The following TRIM62 variants were observed in gnomAD, a reference collection of about 807,000 sequenced individuals.
TRIM62 encodes the protein E3 ubiquitin-protein ligase TRIM62.
TRIM62 carries 39 observed loss-of-function variants against 44.2 expected under a neutral mutation model. The observed-to-expected ratio is 0.88, with a 90% confidence interval of 0.68 to 1.15. TRIM62 has a LOEUF of 1.15. TRIM62 is among the 50% of genes most tolerant of loss of function. TRIM62 has a pLI of 0.00. For missense variants in TRIM62, 544 were observed against 665.5 expected (o/e 0.82, Z 2.01); for synonymous variants, 278 against 292.3 (o/e 0.95, Z 0.50).
intron 1 of TRIM62, 49 bp downstream of exon 1, chr1:33,180,976 C>G: frequency 9.1e-7 from 1 of 1,101,880 alleles, no homozygotes. Context: ...CGCCCGGCCC[C>G]ACCTCCAGCC....
At chr1:33,158,460 T>A in intron 3 of TRIM62, 92 bp from the exon 4 acceptor site, 1 of 959,288 alleles carries the variant, frequency 1.0e-6, no homozygotes, top group Non-Finnish European at 1.7e-6. Context: ...GCAGCTGGCA[T>A]AGGATGTGGT....
At position 33,147,082 on chromosome 1, in the gene TRIM62, G is replaced by T; in HGVS notation, c.*95C>A. ...AACAACTGGCCTGAGGTCTCCAGTG[G>T]CCACGGTGGGCTGGAGTCCAGGTCT... On this transcript the variant is annotated 3_prime_UTR_variant, in exon 5 of 5. Transcript: ENST00000291416. This position sits in a 1 kb window ranked among gnomAD's most constrained non-coding sequence, Gnocchi z 8.1. The T allele has an allele frequency of 7.1e-7, 1 of 1,413,420 alleles. No homozygotes were observed. Among genetic ancestry groups the T allele is most frequent in the Non-Finnish European group, 9.7e-7 (1 of 1,031,824 alleles). 87.6% of individuals were successfully genotyped at this position (1,413,420 alleles called of 1,614,324 possible).
At chr1:33,149,463 A>C (rs967798180) in intron 4 of TRIM62, among the ~76,000 whole-genome samples, 1 of 150,896 alleles carries the variant, frequency 6.6e-6, no homozygotes, top group Non-Finnish European at 1.5e-5. Flanking sequence ...TCTTTTAAAA[A>C]AAAAAAATAC....
chr1:33,166,519 T>A (rs1249170285), intron 1 of TRIM62, among the ~76,000 whole-genome samples: 1 of 152,132 alleles, frequency 6.6e-6, no homozygotes, highest in Non-Finnish European at 1.5e-5. Context: ...TTATATTAAA[T>A]CATTTGGGCC....
At chr1:33,163,340 A>AT (rs372891870) in intron 2 of TRIM62, 60 of 151,144 alleles carry the variant, frequency 4.0e-4, no homozygotes, top group Non-Finnish European at 6.3e-4. Flanking sequence ...TGCCTGGCCG[A>AT]TTTTTTTTTC....
At chr1:33,158,041 C>T (rs1184018902) in intron 4 of TRIM62, among the ~76,000 whole-genome samples, 1 of 152,298 alleles carries the variant, frequency 6.6e-6, no homozygotes, top group South Asian at 2.1e-4. Context: ...AGGTGTGAGC[C>T]ACCACGCCCA....
chr1:33,152,515 C>T (rs535199810), intron 4 of TRIM62, among the ~76,000 whole-genome samples: 1 of 145,206 alleles, frequency 6.9e-6, no homozygotes, highest in African/African-American at 2.6e-5. Context: ...TGTGGTGAGC[C>T]AAGATTGTGC....
chr1:33,147,003 G>T lies in TRIM62; in HGVS notation c.*174C>A. ...TACAGAACATCGATGCTGGAAGAGA[G>T]TTTAGGAAGTAGGGAATGCAACCTC... On this transcript the variant is annotated 3_prime_UTR_variant, in exon 5 of 5. Transcript: ENST00000291416. This position sits in a 1 kb window ranked among gnomAD's most constrained non-coding sequence, Gnocchi z 8.1. 1 of 647,772 alleles carries T rather than the reference G, an allele frequency of 1.5e-6. No homozygotes were observed. The allele number at this position is 647,772 out of a possible 1,614,324, so 40.1% of individuals were successfully genotyped here.
rs894818269 is a variant in TRIM62, at chr1:33,159,840, G to A, written c.609C>T (p.Asp203=). The A allele has an allele frequency of 3.1e-6, 5 of 1,613,526 alleles. No individual in the cohort carries two copies. The highest frequency in any genetic ancestry group is 3.4e-6 in the Non-Finnish European group (4 of 1,180,020). ...CGATGTCGGTCAGCGTGCGGGCCGTGTCCGCCTCCAGCTCCTCTAGCATGG... is the reference window on the plus strand; with the variant it reads ...CGATGTCGGTCAGCGTGCGGGCCGTATCCGCCTCCAGCTCCTCTAGCATGG... ...QKAMLEELEA[D]TARTLTDIEQ... The change falls in exon 3 of 5, where the codon GAC becomes GAT. Residue 203 remains aspartate (D), a synonymous_variant. Transcript: ENST00000291416. The surrounding 1 kb of genome is among the most constrained non-coding windows in gnomAD (Gnocchi z 4.2).
At chr1:33,176,417 C>T (rs1005739281) in intron 1 of TRIM62, 16 of 696,132 alleles carry the variant, frequency 2.3e-5, no homozygotes, top group Middle Eastern at 2.3e-4. Context: ...CCAGGGCTTG[C>T]GTCCAAGGCT....
At chr1:33,176,690 C>T (rs1645422226) in intron 1 of TRIM62, 2 of 408,324 alleles carry the variant, frequency 4.9e-6, no homozygotes, top group Non-Finnish European at 8.8e-6. Flanking sequence ...TTACCCAGCC[C>T]TCAGAGGTAG....
chr1:33,177,071 A>ACACACGCATGCACACACACACACATG lies in TRIM62; in HGVS notation c.408+3953_408+3954insCATGTGTGTGTGTGTGCATGCGTGTG, dbSNP rs1645426533. Among the ~76,000 whole-genome samples, 1 of 11,114 alleles carries ACACACGCATGCACACACACACACATG rather than the reference A, an allele frequency of 9.0e-5. No individual in the cohort carries two copies. Among genetic ancestry groups the ACACACGCATGCACACACACACACATG allele is most frequent in the Non-Finnish European group, 2.4e-4 (1 of 4,250 alleles). 7.3% of individuals were successfully genotyped at this position (11,114 alleles called of 152,430 possible). On this transcript the variant is annotated intron_variant, in intron 1 of 4. Transcript: ENST00000291416. The surrounding 1 kb of genome is among the most constrained non-coding windows in gnomAD (Gnocchi z 4.1). Reference sequence around the variant, plus strand: ...CACACGCACACACACACACATGCACACACACACATGCATGCACAAATGCAC... The same window carrying ACACACGCATGCACACACACACACATG: ...CACACGCACACACACACACATGCACACACACGCATGCACACACACACACATGCACACACATGCATGCACAAATGCAC...
At chr1:33,155,521 G>A (rs1328364041) in intron 4 of TRIM62, among the ~76,000 whole-genome samples, 1 of 152,068 alleles carries the variant, frequency 6.6e-6, no homozygotes, top group Non-Finnish European at 1.5e-5. Context: ...CTCCTTCCTG[G>A]TGTGTGTGAG....
In TRIM62 at chr1:33,147,620, C is replaced by T. The variant is rs754180137; in HGVS notation, c.985G>A (p.Asp329Asn). 5 of 1,613,974 alleles carry T rather than the reference C, an allele frequency of 3.1e-6. No homozygotes were observed. The highest frequency in any genetic ancestry group is 4.2e-6 in the Non-Finnish European group (5 of 1,180,054). Residue 329 changes from aspartate (D) to asparagine (N), a missense_variant, in exon 5 of 5, where the codon GAC becomes AAC. By Grantham distance (23) the Asp-to-Asn change is conservative. Transcript: ENST00000291416. The surrounding 1 kb of genome is among the most constrained non-coding windows in gnomAD (Gnocchi z 8.1). ...YGNLHPQPLQ[D>N]SPKRFDVEVS... is the part of the protein sequence containing the mutation. Reference sequence around the variant, plus strand: ...TCCACATCGAAGCGCTTTGGCGAGTCCTGCAGTGGCTGTGGGTGCAAGTTG... The same window carrying T: ...TCCACATCGAAGCGCTTTGGCGAGTTCTGCAGTGGCTGTGGGTGCAAGTTG...
rs1429012932 is a variant in TRIM62 at position 33,145,656 on chromosome 1, G to A, written c.*1521C>T. On this transcript the variant is annotated 3_prime_UTR_variant, in exon 5 of 5. Coordinates refer to ENST00000291416, the MANE Select transcript of TRIM62 (RefSeq NM_018207.3). Reference sequence around the variant, plus strand: ...CCCAAGTGCAGAATCTAGGCCCCAGGACTAGAAAGAAAAGTCAAGGCCGGG... The same window carrying A: ...CCCAAGTGCAGAATCTAGGCCCCAGAACTAGAAAGAAAAGTCAAGGCCGGG... The A allele has an allele frequency of 9.6e-6, 3 of 312,930 alleles. No homozygotes were observed. Among genetic ancestry groups the A allele is most frequent in the Admixed American group, 9.1e-5 (2 of 21,962 alleles). The allele number at this position is 312,930 out of a possible 1,614,324, so 19.4% of individuals were successfully genotyped here.
In TRIM62 at chr1:33,181,569, G is replaced by C. The variant is rs1291684277; in HGVS notation, c.-137C>G. 7.2e-7 allele frequency: 1 copy of C among 1,392,338 alleles called. No homozygotes were observed. Among genetic ancestry groups the C allele is most frequent in the East Asian group, 2.7e-5 (1 of 36,386 alleles). The allele number at this position is 1,392,338 out of a possible 1,614,324, so 86.2% of individuals were successfully genotyped here. A position where few individuals can be genotyped will look rare whatever the true frequency, so the allele number is the denominator to read the frequency against. On this transcript the variant is annotated 5_prime_UTR_variant, in exon 1 of 5. Coordinates refer to ENST00000291416, the MANE Select transcript of TRIM62 (RefSeq NM_018207.3). The surrounding 1 kb of genome is among the most constrained non-coding windows in gnomAD (Gnocchi z 6.5). ...GCAGGGGTAGGAGCTACCGGAGAAG[G>C]GAGGGGGTGCTGTCCGGAAGGAGGG...
intron 4 of TRIM62, among the ~76,000 whole-genome samples, chr1:33,151,289 G>A (rs935970216): frequency 3.3e-5 from 5 of 152,190 alleles, no homozygotes; most frequent in South Asian, 2.1e-4. Context: ...TCACTGGGCC[G>A]GCCTAGGGGC....
rs140141206 is a variant in TRIM62, at chr1:33,157,882, G to A, written c.877+371C>T. Among the ~76,000 whole-genome samples, 674 of 151,944 alleles carry A rather than the reference G, an allele frequency of 4.4e-3. 19 individuals carry two copies. In the East Asian group the frequency reaches 0.08, roughly 18 times the overall value. ...AGCAATTCTCCTGCCTCAGCCTCTC[G>A]AGTAGCTGGGATTACAGGTGCACGC... On this transcript the variant is annotated intron_variant, in intron 4 of 4. Coordinates refer to ENST00000291416, the MANE Select transcript of TRIM62 (RefSeq NM_018207.3).
At position 33,181,585 on chromosome 1, in the gene TRIM62, G is replaced by T; in HGVS notation, c.-153C>A. ...CCGGAGAAGGGAGGGGGTGCTGTCC[G>T]GAAGGAGGGTAACGCGAGGAAGGGG... On this transcript the variant is annotated 5_prime_UTR_variant, in exon 1 of 5. Coordinates refer to ENST00000291416, the MANE Select transcript of TRIM62 (RefSeq NM_018207.3). This position sits in a 1 kb window ranked among gnomAD's most constrained non-coding sequence, Gnocchi z 6.5. 7.4e-7 allele frequency: 1 copy of T among 1,346,412 alleles called. No homozygotes were observed. Among genetic ancestry groups the T allele is most frequent in the Admixed American group, 3.2e-5 (1 of 31,332 alleles). 83.4% of individuals were successfully genotyped at this position (1,346,412 alleles called of 1,614,324 possible).
Sources: gnomAD v4.1 joint callset for allele counts (sites outside exome capture counted in the v4.1 genomes callset) on GRCh38, gnomAD v4.1.1 for gene constraint, Gnocchi (gnomAD v3.1) non-coding constraint, MANE v1.5 for transcripts, NCBI Gene and HGNC (gene_info 2026-07-23, HGNC 2026-07-21) for gene names.